The following GALNT16 variants were observed in gnomAD, a reference collection of about 807,000 sequenced individuals.
GALNT16 encodes polypeptide N-acetylgalactosaminyltransferase 16.
Under a neutral mutation model 76.1 loss-of-function variants are expected in GALNT16, and 40 were observed. The observed-to-expected ratio is 0.53, with a 90% CI of 0.41 to 0.68. GALNT16 has a LOEUF of 0.68. Ranked by LOEUF, GALNT16 falls within the 30% of genes least tolerant of loss-of-function variation. The probability of loss-of-function intolerance (pLI) is 0.00; values close to 1 mark genes in which losing one functional copy is unlikely to be tolerated. For synonymous variants in GALNT16, 276 were observed against 285.2 expected, an observed-to-expected ratio of 0.97 and a Z score of 0.32; for missense variants, 621 against 731.9, an observed-to-expected ratio of 0.85 and a Z score of 1.75.
intron 1 of GALNT16, among the ~76,000 whole-genome samples, chr14:69,279,403 G>GCACTA (rs1315985460): frequency 1.3e-5 from 2 of 152,204 alleles, no homozygotes; most frequent in African/African-American, 4.8e-5. Flanking sequence ...GGTAACGATA[G>GCACTA]CACTACCTTT....
intron 1 of GALNT16, among the ~76,000 whole-genome samples, chr14:69,269,008 C>T (rs921752513): frequency 1.3e-5 from 2 of 152,222 alleles, no homozygotes; most frequent in Admixed American, 1.3e-4. Flanking sequence ...GTCCCTGAAT[C>T]ATCAGGAAGT....
chr14:69,340,558 C>A (rs1016308260), intron 11 of GALNT16, among the ~76,000 whole-genome samples: 1 of 151,666 alleles, frequency 6.6e-6, no homozygotes, highest in African/African-American at 2.4e-5. Context: ...AATCTAGGCT[C>A]ACTGCAACCT....
At chr14:69,375,099 ATTG>A in the GALNT16 span, among the ~76,000 whole-genome samples, 1 of 152,138 alleles carries the variant, frequency 6.6e-6, no homozygotes, top group East Asian at 1.9e-4. Flanking sequence ...TATTTTTAGG[ATTG>A]TTATGTCTCT....
In GALNT16 at chr14:69,276,621, CA is replaced by C. The variant is rs1328621723; in HGVS notation, c.177+16155del. On this transcript the variant is annotated intron_variant, in intron 1 of 14. Transcript: ENST00000448469. ...GCTTGTACCCAGGAGGTGGAGGTTG[CA>C]GTGAGCCGAGATCACGCCACTGCAC... is the stretch of plus-strand genomic sequence containing the variant. Among the ~76,000 whole-genome samples, 3 of 151,280 alleles carry C rather than the reference CA, an allele frequency of 2.0e-5. No individual in the cohort carries two copies. The East Asian group carries it at 5.8e-4, about 29-fold the overall frequency.
the GALNT16 span, chr14:69,380,522 A>T: frequency 2.8e-6 from 2 of 720,810 alleles, no homozygotes; most frequent in Non-Finnish European, 4.7e-6. Context: ...CAACCCCCCC[A>T]GTGCTTCCAA....
intron 1 of GALNT16, among the ~76,000 whole-genome samples, chr14:69,312,704 C>T (rs776200002): frequency 3.3e-5 from 5 of 152,198 alleles, no homozygotes; most frequent in Non-Finnish European, 7.3e-5. Context: ...TCAAGAAGCG[C>T]ATGTCCAGGC....
chr14:69,331,744 G>A (rs1001065103), intron 7 of GALNT16, among the ~76,000 whole-genome samples, 193 bp downstream of exon 7: 4 of 152,202 alleles, frequency 2.6e-5, no homozygotes, highest in Non-Finnish European at 5.9e-5. Context: ...GAGCAGAGCT[G>A]GCAGTTGCAG....
chr14:69,345,047 T>C (rs1342578279), intron 12 of GALNT16, among the ~76,000 whole-genome samples: 2 of 152,170 alleles, frequency 1.3e-5, no homozygotes, highest in African/African-American at 4.8e-5. Flanking sequence ...GAAGCCCCAC[T>C]CAGAGGGGGC....
At chr14:69,379,387 C>T in the GALNT16 span, among the ~76,000 whole-genome samples, 2 of 152,070 alleles carry the variant, frequency 1.3e-5, no homozygotes, top group African/African-American at 2.4e-5. Flanking sequence ...AAACTGAGCA[C>T]ATATGAGTAT....
chr14:69,279,620 T>C (rs2044514113), intron 1 of GALNT16, among the ~76,000 whole-genome samples: 1 of 152,196 alleles, frequency 6.6e-6, no homozygotes, highest in Admixed American at 6.6e-5. Flanking sequence ...ACTGAGTGGG[T>C]GTGGGAAAGG....
At chr14:69,351,457 A>G (rs1046594490) in intron 14 of GALNT16, 1 of 152,292 alleles carries the variant, frequency 6.6e-6, no homozygotes, top group Admixed American at 6.5e-5. Flanking sequence ...TTGTAAATAA[A>G]CACAGGGGAC....
intron 3 of GALNT16, 46 bp from the exon 4 acceptor site, chr14:69,325,290 GT>G: frequency 1.7e-6 from 2 of 1,203,276 alleles, no homozygotes; most frequent in Non-Finnish European, 2.5e-6. Context: ...AAAATGGGAG[GT>G]GGTTCCTAAA....
At chr14:69,270,795 G>A (rs184421709) in intron 1 of GALNT16, among the ~76,000 whole-genome samples, 3 of 152,318 alleles carry the variant, frequency 2.0e-5, no homozygotes, top group Admixed American at 6.5e-5. Context: ...CAGGCTTGGG[G>A]CATTATCCCA....
chr14:69,351,951 A>G, intron 14 of GALNT16, 80 bp from the exon 15 acceptor site: 1 of 1,343,944 alleles, frequency 7.4e-7, no homozygotes, highest in South Asian at 1.3e-5. Context: ...GTGTGCATAC[A>G]TGTGGAATGA....
intron 1 of GALNT16, among the ~76,000 whole-genome samples, chr14:69,262,263 C>T (rs2044285673): frequency 6.6e-6 from 1 of 152,224 alleles, no homozygotes; most frequent in Non-Finnish European, 1.5e-5. Context: ...TGCTCAGAGC[C>T]TCTGCTTTGG....
intron 10 of GALNT16, 74 bp downstream of exon 10, chr14:69,338,851 C>A: frequency 8.1e-7 from 1 of 1,240,076 alleles, no homozygotes. Context: ...TGCCAGTTAT[C>A]ACTATGTGAC....
intron 12 of GALNT16, among the ~76,000 whole-genome samples, chr14:69,345,368 C>T (rs2045548057): frequency 6.6e-6 from 1 of 152,134 alleles, no homozygotes; most frequent in South Asian, 2.1e-4. Flanking sequence ...GAAAGGGTCT[C>T]TCTGAGCCTC....
chr14:69,322,969 TGTGTGTGTGTGTGCGCGCGCAC>T (rs1302886749), intron 2 of GALNT16, among the ~76,000 whole-genome samples: 5 of 66,974 alleles, frequency 7.5e-5, no homozygotes, highest in African/African-American at 4.6e-4. Context: ...TGTGTGTGTG[TGTGTGTGTGTGTGCGCGCGCAC>T]GCGCGCACGC....
chr14:69,383,958 G>A, the GALNT16 span, among the ~76,000 whole-genome samples: 1 of 151,918 alleles, frequency 6.6e-6, no homozygotes, highest in African/African-American at 2.4e-5. Flanking sequence ...GACCAGCCTG[G>A]GTAATATAGC....
Sources: gnomAD v4.1 joint callset for allele counts (sites outside exome capture counted in the v4.1 genomes callset) on GRCh38, gnomAD v4.1.1 for gene constraint, MANE v1.5 for transcripts, NCBI Gene and HGNC (gene_info 2026-07-23, HGNC 2026-07-21) for gene names.